CTBP2: variants seen among roughly 807,000 people sequenced by gnomAD.
CTBP2 encodes the protein C-terminal binding protein 2.
CTBP2 carries 30 observed loss-of-function variants against 80.3 expected under a neutral mutation model. The ratio of observed to expected loss-of-function variants is 0.37; its 90% CI spans 0.28 to 0.51. The LOEUF is 0.51. Ranked by LOEUF, CTBP2 falls within the 20% of genes least tolerant of loss-of-function variation. The probability of loss-of-function intolerance (pLI) is 0.93; values close to 1 mark genes in which losing one functional copy is unlikely to be tolerated. For synonymous variants in CTBP2, 594 were observed against 587.4 expected, an observed-to-expected ratio of 1.01 and a Z score of -0.16; for missense variants, 1,212 against 1,375.3, an observed-to-expected ratio of 0.88 and a Z score of 1.88.
chr10:125,122,831 A>G (rs1854563518), intron 1 of CTBP2: 1 of 152,196 alleles, frequency 6.6e-6, no homozygotes, highest in African/African-American at 2.4e-5. Flanking sequence ...TCGGGTTTCC[A>G]TGATGGATTT....
At chr10:125,131,372 A>G (rs1314371328) in intron 1 of CTBP2, among the ~76,000 whole-genome samples, 1 of 152,174 alleles carries the variant, frequency 6.6e-6, no homozygotes, top group Non-Finnish European at 1.5e-5. Context: ...AGCCGAACCC[A>G]AAGTGTTTAG....
chr10:125,149,312 G>C (rs1306699671), intron 1 of CTBP2, among the ~76,000 whole-genome samples: 1 of 152,232 alleles, frequency 6.6e-6, no homozygotes, highest in East Asian at 1.9e-4. Flanking sequence ...AGGCACCACA[G>C]AAAGGAGAGG....
intron 2 of CTBP2, among the ~76,000 whole-genome samples, chr10:125,060,508 G>GTGTGTC: frequency 6.6e-6 from 1 of 151,726 alleles, no homozygotes; most frequent in African/African-American, 2.4e-5. Context: ...GTGTACATGT[G>GTGTGTC]TGTGTCTGTT....
At chr10:125,126,390 T>G (rs1855258116) in intron 1 of CTBP2, among the ~76,000 whole-genome samples, 1 of 152,328 alleles carries the variant, frequency 6.6e-6, no homozygotes, top group South Asian at 2.1e-4. Flanking sequence ...TTAAGGGGCT[T>G]CTCTCTTTGG....
chr10:125,123,089 G>A lies in CTBP2; in HGVS notation c.-205-11996C>T, dbSNP rs188814221. ...AGAGACCAGGAAGTAGGTAGGACAC[G>A]CCAACTCCAGAACTTTCTTTGAGCA... On this transcript the variant is annotated intron_variant, in intron 1 of 10. Coordinates refer to the CTBP2 transcript ENST00000337195. Among the ~76,000 whole-genome samples the A allele has an allele frequency of 2.8e-3, 430 of 152,302 alleles. 1 individual carries two copies. Among genetic ancestry groups the A allele is most frequent in the African/African-American group, 9.9e-3 (411 of 41,550 alleles).
chr10:125,121,393 C>A (rs1018570737), intron 1 of CTBP2, among the ~76,000 whole-genome samples: 1 of 152,212 alleles, frequency 6.6e-6, no homozygotes, highest in African/African-American at 2.4e-5. Context: ...CTGAAGGAAA[C>A]CGGGTTCTAT....
chr10:125,082,599 T>TTG (rs948873875), intron 2 of CTBP2, among the ~76,000 whole-genome samples: 5 of 144,986 alleles, frequency 3.4e-5, no homozygotes, highest in African/African-American at 1.3e-4. Flanking sequence ...CTTTTTTTTT[T>TTG]TTTTTTTTGA....
chr10:125,079,899 G>C (rs1846914170), intron 2 of CTBP2, among the ~76,000 whole-genome samples: 1 of 152,198 alleles, frequency 6.6e-6, no homozygotes, highest in African/African-American at 2.4e-5. Flanking sequence ...CCATGGAGAA[G>C]TACTTACTTA....
intron 2 of CTBP2, among the ~76,000 whole-genome samples, chr10:125,091,281 C>T (rs1049836624): frequency 1.4e-4 from 21 of 152,138 alleles, no homozygotes; most frequent in Non-Finnish European, 3.1e-4. Flanking sequence ...TTCGGTAAGC[C>T]AACACAGACA....
At chr10:125,056,721 T>C (rs1371285495) in intron 2 of CTBP2, among the ~76,000 whole-genome samples, 9 of 152,232 alleles carry the variant, frequency 5.9e-5, no homozygotes, top group African/African-American at 1.9e-4. Flanking sequence ...GCACTCTTAG[T>C]CGAGGGATGT....
intron 2 of CTBP2, among the ~76,000 whole-genome samples, chr10:125,053,762 AAG>A (rs1963308665): frequency 6.6e-6 from 1 of 151,986 alleles, no homozygotes; most frequent in African/African-American, 2.4e-5. Flanking sequence ...GATGAGTGGG[AAG>A]ACAGGAAGGG....
intron 1 of CTBP2, among the ~76,000 whole-genome samples, chr10:125,120,650 G>T (rs910914951): frequency 3.9e-5 from 6 of 152,298 alleles, no homozygotes; most frequent in African/African-American, 1.4e-4. Context: ...GCCTCCCAAT[G>T]TTCTGGGATT....
chr10:124,994,837 C>A (rs1019832941), intron 4 of CTBP2, among the ~76,000 whole-genome samples, 154 bp from the exon 7 acceptor site: 2 of 152,232 alleles, frequency 1.3e-5, no homozygotes, highest in African/African-American at 4.8e-5. Context: ...AGGCCTGAGG[C>A]GAGCACTGCC....
chr10:125,018,263 G>A (rs1006069015), intron 1 of CTBP2, among the ~76,000 whole-genome samples: 14 of 152,180 alleles, frequency 9.2e-5, no homozygotes, highest in African/African-American at 2.9e-4. Flanking sequence ...AGTGGCTCAC[G>A]CCTGTAATCC....
At chr10:125,088,007 C>T (rs1451046875) in intron 2 of CTBP2, among the ~76,000 whole-genome samples, 1 of 152,188 alleles carries the variant, frequency 6.6e-6, no homozygotes, top group East Asian at 1.9e-4. Flanking sequence ...TTCCCACCTC[C>T]TTCGGTGAGC....
intron 2 of CTBP2, among the ~76,000 whole-genome samples, chr10:125,067,490 G>A (rs1844825400): frequency 6.6e-6 from 1 of 152,144 alleles, no homozygotes; most frequent in African/African-American, 2.4e-5. Flanking sequence ...AGGAGATACG[G>A]AACTCTCCAT....
chr10:125,047,886 T>G (rs1961665686), intron 2 of CTBP2, among the ~76,000 whole-genome samples: 2 of 152,224 alleles, frequency 1.3e-5, no homozygotes, highest in Admixed American at 1.3e-4. Flanking sequence ...TTATAGGAAT[T>G]AGCTACTTAT....
upstream of CTBP2, chr10:125,028,125 AGCTTTGTT>A: frequency 2.5e-5 from 5 of 201,956 alleles, no homozygotes; most frequent in South Asian, 3.2e-4. Context: ...AAAACCCTAA[AGCTTTGTT>A]CCATGTGACA....
At chr10:125,152,934 G>A (rs1216579905) in intron 1 of CTBP2, among the ~76,000 whole-genome samples, 1 of 152,148 alleles carries the variant, frequency 6.6e-6, no homozygotes. Context: ...CCCCCCACTG[G>A]GAAGAAAACA....
Sources: gnomAD v4.1 joint callset for allele counts (sites outside exome capture counted in the v4.1 genomes callset) on GRCh38, gnomAD v4.1.1 for gene constraint, MANE v1.5 for transcripts, NCBI Gene and HGNC (gene_info 2026-07-23, HGNC 2026-07-21) for gene names.